The following CNTNAP5 variants were observed in gnomAD, a reference collection of about 807,000 sequenced individuals.
CNTNAP5 encodes contactin-associated protein-like 5.
In CNTNAP5, 72 loss-of-function variants were observed where a neutral mutation model predicts 150.2. The observed-to-expected ratio is 0.48, with a 90% CI of 0.40 to 0.58. The LOEUF is 0.58. CNTNAP5 is among the 20% of genes least tolerant of loss of function. The pLI is 0.00. For synonymous variants in CNTNAP5, 672 were observed against 619.8 expected, an observed-to-expected ratio of 1.08 and a Z score of -1.25; for missense variants, 1,636 against 1,626.2, an observed-to-expected ratio of 1.01 and a Z score of -0.10.
chr2:124,266,684 A>C (rs931295027), intron 3 of CNTNAP5, among the ~76,000 whole-genome samples: 1 of 152,076 alleles, frequency 6.6e-6, no homozygotes, highest in African/African-American at 2.4e-5. Flanking sequence ...TAGTGTTCTT[A>C]CTTTAACTCG....
intron 19 of CNTNAP5, among the ~76,000 whole-genome samples, chr2:124,860,266 T>C (rs577101384): frequency 6.6e-6 from 1 of 151,756 alleles, no homozygotes; most frequent in South Asian, 2.1e-4. Context: ...AGGAGAATGG[T>C]GTGAACCCGG....
In CNTNAP5 at chr2:124,201,378, A is replaced by G. The variant is rs547100408; in HGVS notation, c.83-20327A>G. ...CTTCATTGACATTCGAAAAAGAAGG[A>G]GAAGCAGCAGTTACAGAATCTTTAC... is the stretch of plus-strand genomic sequence containing the variant. On this transcript the variant is annotated intron_variant, in intron 1 of 23. Coordinates refer to ENST00000682447, the MANE Select transcript of CNTNAP5 (RefSeq NM_001367498.1). 3.7e-4 allele frequency among the ~76,000 whole-genome samples: 56 copies of G among 152,378 alleles called. No individual in the cohort carries two copies. The South Asian group carries it at 0.01, about 28-fold the overall frequency.
chr2:124,091,871 C>A (rs1682821661), intron 1 of CNTNAP5, among the ~76,000 whole-genome samples: 1 of 152,188 alleles, frequency 6.6e-6, no homozygotes, highest in African/African-American at 2.4e-5. Flanking sequence ...GCTGAGCCAG[C>A]TGGCTGAATT....
intron 17 of CNTNAP5, among the ~76,000 whole-genome samples, 194 bp from the exon 18 acceptor site, chr2:124,789,708 A>G (rs1681675371): frequency 6.6e-6 from 1 of 152,114 alleles, no homozygotes; most frequent in South Asian, 2.1e-4. Flanking sequence ...CTCTAGCTCC[A>G]CCATTGTTTC....
At chr2:124,768,815 A>G (rs539822132) in intron 16 of CNTNAP5, among the ~76,000 whole-genome samples, 4 of 152,274 alleles carry the variant, frequency 2.6e-5, no homozygotes, top group African/African-American at 9.6e-5. Flanking sequence ...CCAGGTTTTG[A>G]GGCACAGGAC....
rs114413401 is a variant in CNTNAP5 at position 124,150,253 on chromosome 2, T to G, written c.83-71452T>G. ...TATTTAAATTAGTGTGTTAAGTAAC[T>G]GAGAATTGAAATGCAGCAACATATA... On this transcript the variant is annotated intron_variant, in intron 1 of 23. Coordinates refer to ENST00000682447, the MANE Select transcript of CNTNAP5 (RefSeq NM_001367498.1). Among the ~76,000 whole-genome samples, 617 of 150,256 alleles carry G rather than the reference T, an allele frequency of 4.1e-3. 6 individuals carry two copies. The highest frequency in any genetic ancestry group is 0.015 in the African/African-American group (603 of 41,350).
At chr2:124,766,393 A>G (rs1202548790) in intron 16 of CNTNAP5, among the ~76,000 whole-genome samples, 2 of 147,912 alleles carry the variant, frequency 1.4e-5, no homozygotes, top group African/African-American at 2.6e-5. Context: ...TGAGAGCTCC[A>G]GAAAAGGAGA....
At chr2:124,590,906 C>A (rs945197154) in intron 11 of CNTNAP5, among the ~76,000 whole-genome samples, 1 of 152,174 alleles carries the variant, frequency 6.6e-6, no homozygotes, top group Non-Finnish European at 1.5e-5. Flanking sequence ...CTATCATTAT[C>A]TTTAATGAGA....
chr2:124,690,216 A>G (rs1679273483), intron 13 of CNTNAP5, among the ~76,000 whole-genome samples: 1 of 152,142 alleles, frequency 6.6e-6, no homozygotes, highest in Non-Finnish European at 1.5e-5. Flanking sequence ...GAAACTATTC[A>G]GTTCTTGAAT....
chr2:124,151,986 A>G (rs575145423), intron 1 of CNTNAP5, among the ~76,000 whole-genome samples: 105 of 152,342 alleles, frequency 6.9e-4, no homozygotes, highest in Non-Finnish European at 1.2e-3. Context: ...AAATAAGTTT[A>G]TAGGACACCC....
intron 14 of CNTNAP5, among the ~76,000 whole-genome samples, chr2:124,749,032 C>T (rs1448434076): frequency 6.6e-6 from 1 of 152,104 alleles, no homozygotes; most frequent in Non-Finnish European, 1.5e-5. Context: ...CTCTCAAGAC[C>T]TACAGAAGAC....
rs933995125 is a variant in CNTNAP5 at position 124,133,752 on chromosome 2, T to A, written c.83-87953T>A. ...CAGACCCCTGACATGGTGACAGATC[T>A]GTTCTAACTGCAGACTGTGTGACTC... On this transcript the variant is annotated intron_variant, in intron 1 of 23. Coordinates refer to ENST00000682447, the MANE Select transcript of CNTNAP5 (RefSeq NM_001367498.1). 2.0e-5 allele frequency among the ~76,000 whole-genome samples: 3 copies of A among 152,186 alleles called. No homozygotes were observed. In the South Asian group the frequency reaches 6.2e-4, roughly 31 times the overall value.
chr2:124,782,128 C>CAT (rs200590830), intron 17 of CNTNAP5, among the ~76,000 whole-genome samples: 3,508 of 152,264 alleles, frequency 0.023, 127 homozygotes, highest in African/African-American at 0.081. Flanking sequence ...TCCGTCAGAG[C>CAT]ATATTGTGTT....
intron 19 of CNTNAP5, among the ~76,000 whole-genome samples, chr2:124,851,319 G>A (rs1033994089): frequency 6.6e-6 from 1 of 152,190 alleles, no homozygotes. Context: ...CCTTGCCACT[G>A]CACTCCAGCC....
rs183656684 is a variant in CNTNAP5 at position 124,896,162 on chromosome 2, C to T, written c.3437-6720C>T. 5.3e-4 allele frequency among the ~76,000 whole-genome samples: 81 copies of T among 151,638 alleles called. 1 individual carries two copies. The East Asian group carries it at 0.012, about 23-fold the overall frequency. On this transcript the variant is annotated intron_variant, in intron 21 of 23. Coordinates refer to ENST00000682447, the MANE Select transcript of CNTNAP5 (RefSeq NM_001367498.1). ...AATATTAATGAAGTTCTAATCAGAACTTGGTTTGCTTCATCAAAGAGAGCG... is the reference window on the plus strand; with the variant it reads ...AATATTAATGAAGTTCTAATCAGAATTTGGTTTGCTTCATCAAAGAGAGCG...
chr2:124,069,965 A>C (rs1682259173), intron 1 of CNTNAP5, among the ~76,000 whole-genome samples: 1 of 152,204 alleles, frequency 6.6e-6, no homozygotes, highest in Non-Finnish European at 1.5e-5. Flanking sequence ...AATCAAAAAT[A>C]CTAATGGCAA....
At chr2:124,271,740 A>C (rs1354019723) in intron 3 of CNTNAP5, among the ~76,000 whole-genome samples, 1 of 150,290 alleles carries the variant, frequency 6.7e-6, no homozygotes, top group Non-Finnish European at 1.5e-5. Context: ...ATTGAGACAG[A>C]GTCTTGCTCT....
chr2:124,701,716 A>G (rs1679525020), intron 13 of CNTNAP5, among the ~76,000 whole-genome samples: 1 of 152,096 alleles, frequency 6.6e-6, no homozygotes, highest in African/African-American at 2.4e-5. Flanking sequence ...CATCTTAAAT[A>G]TGAAGTGATA....
At chr2:124,800,418 T>C (rs1266048804) in intron 19 of CNTNAP5, among the ~76,000 whole-genome samples, 3 of 152,118 alleles carry the variant, frequency 2.0e-5, no homozygotes, top group Admixed American at 6.6e-5. Context: ...TACTGAGCAC[T>C]ATTTTAATTA....
Sources: gnomAD v4.1 joint callset for allele counts (sites outside exome capture counted in the v4.1 genomes callset) on GRCh38, gnomAD v4.1.1 for gene constraint, MANE v1.5 for transcripts, NCBI Gene and HGNC (gene_info 2026-07-23, HGNC 2026-07-21) for gene names.